Variants in TIMM23 observed in about 807,000 individuals in gnomAD.
TIMM23 encodes the protein translocase of inner mitochondrial membrane 23, also known as mitochondrial import inner membrane translocase subunit Tim23.
A neutral mutation model predicts 30.7 loss-of-function variants in TIMM23; 19 were observed. The ratio of observed to expected loss-of-function variants is 0.62; its 90% CI spans 0.43 to 0.91. The LOEUF (loss-of-function observed/expected upper bound fraction) is 0.91. Among genes scored for constraint, TIMM23 ranks in the 40% least tolerant of loss-of-function variants. TIMM23 has a pLI of 0.00. For missense variants in TIMM23, 202 were observed against 269.2 expected, an observed-to-expected ratio of 0.75 and a Z score of 1.75; for synonymous variants, 78 against 98.5, an observed-to-expected ratio of 0.79 and a Z score of 1.23.
At chr10:45,992,270 T>C (rs1419022739) in intron 6 of TIMM23, 1 of 425,180 alleles carries the variant, frequency 2.4e-6, no homozygotes, top group African/African-American at 2.1e-5. Flanking sequence ...GCTGCCTGAA[T>C]TGTTTTTGAC....
Position 45,988,750 on chromosome 10 carries a change from T to C in TIMM23, c.417T>C (p.Ser139=), listed in dbSNP as rs1480257211. ...TTTCCTCTTTAGCTTTGCTCTATAG[T>C]GCATTTGGTGTCATCATTGAGAAAA... ...NTLGSLALLY[S]AFGVIIEKTR... The change falls in exon 6 of 7, where the codon AGT becomes AGC. Residue 139 remains serine, a synonymous_variant. Transcript: ENST00000580018. 1,917 of 1,613,870 alleles carry C rather than the reference T, an allele frequency of 1.2e-3. 8 individuals carry two copies. Among genetic ancestry groups the C allele is most frequent in the Admixed American group, 9.0e-3 (540 of 60,008 alleles).
intron 2 of TIMM23, among the ~76,000 whole-genome samples, chr10:45,977,866 T>C (rs1436832072): frequency 6.6e-6 from 1 of 151,708 alleles, no homozygotes; most frequent in Non-Finnish European, 1.5e-5. Flanking sequence ...ACCCCATCTC[T>C]ACTAAAAAAC....
At chr10:45,991,644 G>C (rs1354724793) in intron 6 of TIMM23, among the ~76,000 whole-genome samples, 2 of 152,034 alleles carry the variant, frequency 1.3e-5, no homozygotes, top group Non-Finnish European at 2.9e-5. Context: ...CCAGCTACTC[G>C]GGAGGCTGAG....
At chr10:45,988,345 A>G (rs1206201381) in intron 5 of TIMM23, among the ~76,000 whole-genome samples, 1 of 152,122 alleles carries the variant, frequency 6.6e-6, no homozygotes, top group African/African-American at 2.4e-5. Context: ...ACAGCCTGCA[A>G]TCAGACAAGG....
At chr10:45,988,912 G>T in intron 6 of TIMM23, 65 bp downstream of exon 6, 2 of 1,484,514 alleles carry the variant, frequency 1.3e-6, no homozygotes, top group Non-Finnish European at 1.9e-6. Context: ...AAAATTCATG[G>T]TTTTCAAGGA....
At chr10:46,002,832 T>TTTC (rs1838590317) in intron 6 of TIMM23, among the ~76,000 whole-genome samples, 2 of 146,738 alleles carry the variant, frequency 1.4e-5, no homozygotes, top group Non-Finnish European at 3.0e-5. Context: ...TTTTTTTTTT[T>TTTC]TTGACGGAGT....
intron 6 of TIMM23, among the ~76,000 whole-genome samples, chr10:45,998,621 G>A (rs1590131712): frequency 1.3e-5 from 2 of 152,138 alleles, no homozygotes; most frequent in African/African-American, 2.4e-5. Context: ...AACATGGCTG[G>A]TATGTGGTAA....
At chr10:46,001,648 C>G (rs1838541536) in intron 6 of TIMM23, among the ~76,000 whole-genome samples, 1 of 152,166 alleles carries the variant, frequency 6.6e-6, no homozygotes, top group Admixed American at 6.5e-5. Context: ...CCCCACAACT[C>G]CGCTCTACCT....
intron 6 of TIMM23, among the ~76,000 whole-genome samples, chr10:45,990,116 A>ATTTTTTTTTT (rs782791725): frequency 7.4e-6 from 1 of 135,824 alleles, no homozygotes; most frequent in Non-Finnish European, 1.6e-5. Context: ...GCAACTTTTA[A>ATTTTTTTTTT]TTTTTTTTTT....
intron 5 of TIMM23, 135 bp downstream of exon 5, chr10:45,985,576 G>C (rs1237319999): frequency 2.7e-6 from 3 of 1,092,392 alleles, no homozygotes; most frequent in East Asian, 4.8e-5. Context: ...GCATAATGTA[G>C]ATACTACTTA....
chr10:45,981,081 G>GGCGCACACTGCC (rs1837830253), intron 2 of TIMM23, among the ~76,000 whole-genome samples: 2 of 148,254 alleles, frequency 1.3e-5, no homozygotes, highest in Admixed American at 1.4e-4. Context: ...TGGGACTACA[G>GGCGCACACTGCC]GCGCACACTG....
chr10:45,999,181 C>T (rs934458717), intron 6 of TIMM23, among the ~76,000 whole-genome samples: 5 of 152,012 alleles, frequency 3.3e-5, no homozygotes, highest in African/African-American at 7.2e-5. Flanking sequence ...GGCTTTGTTG[C>T]CCAGGCTGAA....
chr10:46,001,653 C>G (rs1838541862), intron 6 of TIMM23, among the ~76,000 whole-genome samples: 1 of 152,168 alleles, frequency 6.6e-6, no homozygotes, highest in South Asian at 2.1e-4. Context: ...CAACTCCGCT[C>G]TACCTCTGTC....
At chr10:45,979,606 CT>C (rs1171770886) in intron 2 of TIMM23, among the ~76,000 whole-genome samples, 10,846 of 53,872 alleles carry the variant, frequency 0.2, 622 homozygotes, top group East Asian at 0.33. Flanking sequence ...CATGCCTGGC[CT>C]TTTTTTTTTT....
At chr10:45,992,221 C>G (rs1197193746) in intron 6 of TIMM23, among the ~76,000 whole-genome samples, 1 of 152,208 alleles carries the variant, frequency 6.6e-6, no homozygotes, top group East Asian at 1.9e-4. Flanking sequence ...ACCTCAGCCT[C>G]CTGAGTTGCT....
intron 6 of TIMM23, chr10:45,990,633 A>G (rs2813154): frequency 1.9e-5 from 8 of 411,642 alleles, no homozygotes; most frequent in Middle Eastern, 8.3e-4. Context: ...GTGTTGCCCA[A>G]GCTGGTCTTG....
rs1357437749 is a variant in TIMM23 at position 46,003,455 on chromosome 10, TCCTGGATGGCTGA to T, written c.*140_*152del. 1 of 659,978 alleles carries T rather than the reference TCCTGGATGGCTGA, an allele frequency of 1.5e-6. No homozygotes were observed. Among genetic ancestry groups the T allele is most frequent in the African/African-American group, 1.8e-5 (1 of 54,418 alleles). 40.9% of individuals were successfully genotyped at this position (659,978 alleles called of 1,614,324 possible). A position where few individuals can be genotyped will look rare whatever the true frequency, so the allele number is the denominator to read the frequency against. ...AGATTTTGATTTGCTGTGATGAAAA[TCCTGGATGGCTGA>T]CCAAGACTGGCACTTGTTCCAGCCA... On this transcript the variant is annotated 3_prime_UTR_variant, in exon 7 of 7. Transcript: ENST00000580018.
At chr10:45,986,918 C>G (rs1838009814) in intron 5 of TIMM23, among the ~76,000 whole-genome samples, 1 of 152,090 alleles carries the variant, frequency 6.6e-6, no homozygotes, top group Non-Finnish European at 1.5e-5. Flanking sequence ...GCGGTACTTT[C>G]TAGAAATAGC....
chr10:46,002,339 CTAATT>C (rs1838569996), intron 6 of TIMM23: 1 of 166,578 alleles, frequency 6.0e-6, no homozygotes, highest in African/African-American at 2.4e-5. Context: ...CCCCACTAAG[CTAATT>C]TTTCTATTTT....
Sources: gnomAD v4.1 joint callset for allele counts (sites outside exome capture counted in the v4.1 genomes callset) on GRCh38, gnomAD v4.1.1 for gene constraint, MANE v1.5 for transcripts, NCBI Gene and HGNC (gene_info 2026-07-23, HGNC 2026-07-21) for gene names.